PLA2G4A: variants seen among roughly 807,000 people sequenced by gnomAD.
PLA2G4A encodes the protein phospholipase A2 group IVA.
A neutral mutation model predicts 81.9 loss-of-function variants in PLA2G4A; 40 were observed. The ratio of observed to expected loss-of-function variants is 0.49; its 90% CI spans 0.38 to 0.64. The LOEUF (loss-of-function observed/expected upper bound fraction) is 0.64, where lower values mean the gene tolerates loss of function less well. Among genes scored for constraint, PLA2G4A ranks in the 30% least tolerant of loss-of-function variants. PLA2G4A has a pLI of 0.00. For synonymous variants in PLA2G4A, 302 were observed against 296.9 expected, an observed-to-expected ratio of 1.02 and a Z score of -0.18; for missense variants, 715 against 905.1, an observed-to-expected ratio of 0.79 and a Z score of 2.69.
intron 14 of PLA2G4A, among the ~76,000 whole-genome samples, chr1:186,957,332 C>A (rs1656788622): frequency 6.6e-6 from 1 of 152,146 alleles, no homozygotes; most frequent in Non-Finnish European, 1.5e-5. Context: ...GAATTAGGTG[C>A]TTATAAAATC....
intron 7 of PLA2G4A, among the ~76,000 whole-genome samples, chr1:186,930,163 A>G (rs148862667): frequency 7.2e-5 from 11 of 152,358 alleles, no homozygotes; most frequent in African/African-American, 2.4e-4. Flanking sequence ...AATTAAATGT[A>G]TAATGTAAAT....
At chr1:186,962,787 T>G (rs1657004857) in intron 14 of PLA2G4A, among the ~76,000 whole-genome samples, 1 of 151,648 alleles carries the variant, frequency 6.6e-6, no homozygotes. Flanking sequence ...CCCAAAGTGC[T>G]GGGATTAACA....
chr1:186,911,037 G>A (rs1654920109), intron 6 of PLA2G4A, among the ~76,000 whole-genome samples: 1 of 152,200 alleles, frequency 6.6e-6, no homozygotes, highest in Non-Finnish European at 1.5e-5. Flanking sequence ...GCATTGGAAA[G>A]TCCTTTTTCT....
At chr1:186,939,938 T>C (rs1656089448) in intron 9 of PLA2G4A, 42 bp from the exon 10 acceptor site, 3 of 890,536 alleles carry the variant, frequency 3.4e-6, no homozygotes, top group Non-Finnish European at 5.8e-6. Context: ...TCTGTGTCTG[T>C]TTATAAATTT....
At chr1:186,965,670 C>T (rs1657104125) in intron 15 of PLA2G4A, 77 bp downstream of exon 15, 1 of 988,394 alleles carries the variant, frequency 1.0e-6, no homozygotes, top group Non-Finnish European at 1.6e-6. Flanking sequence ...GTCCCTTTGA[C>T]TCCAGTTTCT....
At chr1:186,983,378 G>T (rs16826197) in intron 17 of PLA2G4A, among the ~76,000 whole-genome samples, 5,510 of 152,256 alleles carry the variant, frequency 0.036, 213 homozygotes, top group East Asian at 0.16. Flanking sequence ...TTTCAACTTT[G>T]CAACTGTGAC....
intron 5 of PLA2G4A, among the ~76,000 whole-genome samples, chr1:186,901,659 G>C (rs1439413980): frequency 6.6e-6 from 1 of 152,166 alleles, no homozygotes; most frequent in African/African-American, 2.4e-5. Flanking sequence ...GAAAGCTAAT[G>C]GTTACCCAGA....
At chr1:186,846,517 C>G (rs1571328951) in intron 1 of PLA2G4A, among the ~76,000 whole-genome samples, 1 of 152,050 alleles carries the variant, frequency 6.6e-6, no homozygotes, top group South Asian at 2.1e-4. Context: ...TTAGCTTTCC[C>G]TAGTGTGACA....
At chr1:186,830,982 CTT>C (rs1194923503) in intron 1 of PLA2G4A, among the ~76,000 whole-genome samples, 1 of 138,192 alleles carries the variant, frequency 7.2e-6, no homozygotes. Context: ...TTCTTTCTTT[CTT>C]TCTTTCTTTC....
At position 186,928,493 on chromosome 1, in the gene PLA2G4A, A is replaced by G. The variant is rs111712933; in HGVS notation, c.559-4270A>G. Reference sequence around the variant, plus strand: ...CTCCAGCAGACTTCCCTTGGGCTTCATCTGCACCATAGGCTCTCCTGGGTA... The same window carrying G: ...CTCCAGCAGACTTCCCTTGGGCTTCGTCTGCACCATAGGCTCTCCTGGGTA... On this transcript the variant is annotated intron_variant, in intron 7 of 17. Transcript: ENST00000367466. 5.4e-3 allele frequency among the ~76,000 whole-genome samples: 825 copies of G among 152,316 alleles called. 6 individuals carry two copies. The highest frequency in any genetic ancestry group is 0.019 in the African/African-American group (793 of 41,576).
chr1:186,831,421 C>T (rs1013589868), intron 1 of PLA2G4A, among the ~76,000 whole-genome samples: 3 of 152,150 alleles, frequency 2.0e-5, no homozygotes, highest in African/African-American at 7.2e-5. Context: ...GTTCTAGACT[C>T]AACCCCAATA....
chr1:186,889,395 A>T (rs1476583902), intron 3 of PLA2G4A, among the ~76,000 whole-genome samples: 1 of 152,198 alleles, frequency 6.6e-6, no homozygotes, highest in Non-Finnish European at 1.5e-5. Context: ...GTCGGGGTCT[A>T]TGTTTTTACA....
intron 17 of PLA2G4A, among the ~76,000 whole-genome samples, chr1:186,985,337 T>C (rs1657859120): frequency 6.6e-6 from 1 of 152,182 alleles, no homozygotes; most frequent in African/African-American, 2.4e-5. Flanking sequence ...TTATGTACCT[T>C]CCATGTTCTA....
chr1:186,988,547 G>A lies in PLA2G4A; in HGVS notation c.*39G>A, dbSNP rs1234228030. The A allele has an allele frequency of 3.8e-6, 6 of 1,592,678 alleles. No homozygotes were observed. The highest frequency in any genetic ancestry group is 4.3e-6 in the Non-Finnish European group (5 of 1,163,886). On this transcript the variant is annotated 3_prime_UTR_variant, in exon 18 of 18. Transcript: ENST00000367466. The stretch of plus-strand genomic sequence containing the variant: ...AATGGCAGCAGTTTCTGATGCTGAG[G>A]CAGTTTGCAATCCCATGACAACTGG...
chr1:186,885,416 T>C (rs1430600436), intron 3 of PLA2G4A, among the ~76,000 whole-genome samples: 1 of 152,138 alleles, frequency 6.6e-6, no homozygotes, highest in African/African-American at 2.4e-5. Context: ...AATCAATTCA[T>C]TTGTTAAAAT....
chr1:186,988,325 A>G, intron 17 of PLA2G4A, 52 bp from the exon 18 acceptor site: 2 of 1,407,440 alleles, frequency 1.4e-6, no homozygotes, highest in Middle Eastern at 2.2e-4. Flanking sequence ...TAAAAAATAT[A>G]TAAATGAGTT....
intron 3 of PLA2G4A, among the ~76,000 whole-genome samples, chr1:186,872,288 C>A (rs559629107): frequency 6.6e-6 from 1 of 151,952 alleles, no homozygotes; most frequent in Non-Finnish European, 1.5e-5. Flanking sequence ...AAGGCCCCTG[C>A]GAAAGAGAAG....
intron 15 of PLA2G4A, among the ~76,000 whole-genome samples, chr1:186,976,737 T>C (rs1245304212): frequency 6.6e-6 from 1 of 152,182 alleles, no homozygotes; most frequent in East Asian, 1.9e-4. Context: ...TCCATATTGA[T>C]TTATGTTCTC....
In PLA2G4A at chr1:186,946,644, T is replaced by G; in HGVS notation, c.1041T>G (p.Val347=). The G allele has an allele frequency of 6.2e-7, 1 of 1,609,936 alleles. No homozygotes were observed. Among genetic ancestry groups the G allele is most frequent in the African/African-American group, 1.3e-5 (1 of 74,932 alleles). Residue 347 remains valine, a synonymous_variant, in exon 11 of 18, where the codon GTT becomes GTG. Transcript: ENST00000367466. ...TTTTTAAAATACTTTCAGATTGGGT[T>G]GAATTTAGTCCATACGAAATTGGCA... The part of the protein sequence containing the change: ...DVSELMFADW[V]EFSPYEIGMA...
Sources: allele counts gnomAD v4.1 joint callset (sites outside exome capture counted in the v4.1 genomes callset), GRCh38; gene constraint gnomAD v4.1.1; transcripts MANE v1.5; gene names NCBI Gene and HGNC (gene_info 2026-07-23, HGNC 2026-07-21).